PDE3A: variants seen among roughly 807,000 people sequenced by gnomAD.
PDE3A encodes phosphodiesterase 3A.
A neutral mutation model predicts 98.3 loss-of-function variants in PDE3A; 43 were observed. The ratio of observed to expected loss-of-function variants is 0.44; its 90% CI spans 0.34 to 0.56. The LOEUF (loss-of-function observed/expected upper bound fraction) is 0.56. Ranked by LOEUF, PDE3A falls within the 20% of genes least tolerant of loss-of-function variation. The probability of loss-of-function intolerance (pLI) is 0.01; values close to 1 mark genes in which losing one functional copy is unlikely to be tolerated. For missense variants in PDE3A, 1,427 were observed against 1,440.7 expected (o/e 0.99, Z 0.15); for synonymous variants, 663 against 567.9 (o/e 1.17, Z -2.38).
chr12:20,511,492 T>A (rs1946222787), intron 1 of PDE3A, among the ~76,000 whole-genome samples: 1 of 151,640 alleles, frequency 6.6e-6, no homozygotes, highest in African/African-American at 2.4e-5. Context: ...AGGAGCCAAC[T>A]GAAAGAGTTC....
chr12:20,501,683 AT>A (rs1290092067), intron 1 of PDE3A, among the ~76,000 whole-genome samples: 3 of 152,128 alleles, frequency 2.0e-5, no homozygotes, highest in African/African-American at 7.2e-5. Context: ...AAATGAAGCT[AT>A]TTTTTAGTGA....
intron 5 of PDE3A, among the ~76,000 whole-genome samples, chr12:20,622,616 A>C (rs549214318): frequency 4.9e-4 from 74 of 152,270 alleles, no homozygotes; most frequent in African/African-American, 1.8e-3. Flanking sequence ...CAGGCAATGT[A>C]GGCTAATGTA....
At chr12:20,474,925 G>A (rs1945501476) in intron 1 of PDE3A, among the ~76,000 whole-genome samples, 1 of 151,914 alleles carries the variant, frequency 6.6e-6, no homozygotes, top group East Asian at 1.9e-4. Context: ...TATCTTTGGG[G>A]GCCATTATTC....
At chr12:20,427,430 C>T (rs909482071) in intron 1 of PDE3A, among the ~76,000 whole-genome samples, 8 of 152,216 alleles carry the variant, frequency 5.3e-5, no homozygotes, top group Non-Finnish European at 1.0e-4. Context: ...ACTGACTTTA[C>T]GTTTTACAGG....
chr12:20,382,464 T>C (rs1764489843), intron 1 of PDE3A, among the ~76,000 whole-genome samples: 1 of 151,970 alleles, frequency 6.6e-6, no homozygotes, highest in Non-Finnish European at 1.5e-5. Context: ...AAAAACTTCA[T>C]TGATGATACC....
At chr12:20,658,699 C>G (rs1945095056) in intron 15 of PDE3A, among the ~76,000 whole-genome samples, 1 of 152,170 alleles carries the variant, frequency 6.6e-6, no homozygotes, top group African/African-American at 2.4e-5. Context: ...GATAGGCCTG[C>G]CTGCTGGCCT....
Position 20,369,790 on chromosome 12 carries a change from G to A in PDE3A, c.506G>A (p.Gly169Glu), listed in dbSNP as rs760787571. The change falls in exon 1 of 16, where the codon GGG becomes GAG. Residue 169 changes from glycine (G) to glutamate (E), a missense_variant. Coordinates refer to ENST00000359062, the MANE Select transcript of PDE3A (RefSeq NM_000921.5). ...GTCGCGCTGCTGGCCGCCTGCTGCG[G>A]GGGGGAAGCGCTCGTCCAGATTGGG... is the stretch of plus-strand genomic sequence containing the variant. Reference protein sequence around the residue: ...LAVALLAACCGGEALVQIGLG... With the variant: ...LAVALLAACCEGEALVQIGLG... The A allele has an allele frequency of 6.2e-6, 10 of 1,612,440 alleles. No individual in the cohort carries two copies. Among genetic ancestry groups the A allele is most frequent in the East Asian group, 2.2e-5 (1 of 44,816 alleles).
intron 1 of PDE3A, among the ~76,000 whole-genome samples, chr12:20,418,791 T>C (rs1159352700): frequency 1.3e-5 from 2 of 152,190 alleles, no homozygotes; most frequent in Non-Finnish European, 2.9e-5. Flanking sequence ...ACATTTTACA[T>C]AACTGGGATA....
At chr12:20,661,066 A>C (rs1945158298) in intron 15 of PDE3A, among the ~76,000 whole-genome samples, 1 of 152,188 alleles carries the variant, frequency 6.6e-6, no homozygotes, top group East Asian at 1.9e-4. Context: ...TGAACAATGA[A>C]GTCCAGGCTG....
intron 1 of PDE3A, among the ~76,000 whole-genome samples, chr12:20,476,865 C>T (rs986819437): frequency 1.3e-5 from 2 of 152,168 alleles, no homozygotes; most frequent in Non-Finnish European, 2.9e-5. Flanking sequence ...TTAAAGTATA[C>T]ATTGAAAATT....
rs1482862608 is a variant in PDE3A, at chr12:20,621,317, A to G, written c.1446A>G (p.Pro482=). 1 of 1,593,522 alleles carries G rather than the reference A, an allele frequency of 6.3e-7. No individual in the cohort carries two copies. The highest frequency in any genetic ancestry group is 8.6e-7 in the Non-Finnish European group (1 of 1,161,468). Residue 482 remains proline (P), a synonymous_variant, in exon 5 of 16, where the codon CCA becomes CCG. Transcript: ENST00000359062. Reference sequence around the variant, plus strand: ...TTAGTCCTGATTCTTGGAATAATCCAGTGATGATGACCCTCACCAAAAGCA... The same window carrying G: ...TTAGTCCTGATTCTTGGAATAATCCGGTGATGATGACCCTCACCAAAAGCA... ...PSSSPDSWNN[P]VMMTLTKSRS...
chr12:20,374,740 A>G (rs550186304), intron 1 of PDE3A, among the ~76,000 whole-genome samples: 44 of 152,132 alleles, frequency 2.9e-4, no homozygotes, highest in African/African-American at 1.0e-3. Context: ...ATGCCTATAT[A>G]TTTTAAGATT....
At chr12:20,463,948 A>T (rs1945297457) in intron 1 of PDE3A, among the ~76,000 whole-genome samples, 1 of 152,270 alleles carries the variant, frequency 6.6e-6, no homozygotes, top group South Asian at 2.1e-4. Context: ...TGGTATAAAG[A>T]ATGTGGACAC....
In PDE3A at chr12:20,594,718, T is replaced by C. The variant is rs570583229; in HGVS notation, c.1012-18725T>C. ...GCCTCTAGGATTCAGATATGGATAG[T>C]ATGTTGGGGGCTCGCTTGCAGAAAT... is the stretch of plus-strand genomic sequence containing the variant. On this transcript the variant is annotated intron_variant, in intron 2 of 15. Coordinates refer to ENST00000359062, the MANE Select transcript of PDE3A (RefSeq NM_000921.5). Among the ~76,000 whole-genome samples the C allele has an allele frequency of 5.3e-5, 8 of 152,220 alleles. No homozygotes were observed. In the East Asian group the frequency reaches 1.4e-3, roughly 26 times the overall value.
intron 5 of PDE3A, 136 bp downstream of exon 5, chr12:20,621,547 G>GT: frequency 1.8e-6 from 1 of 563,328 alleles, no homozygotes; most frequent in Non-Finnish European, 3.2e-6. Context: ...TAACCAATTA[G>GT]TTATTTTTTA....
At chr12:20,572,861 T>G (rs1296361742) in intron 2 of PDE3A, among the ~76,000 whole-genome samples, 1 of 152,136 alleles carries the variant, frequency 6.6e-6, no homozygotes, top group Non-Finnish European at 1.5e-5. Context: ...TTACTTAGAA[T>G]AAGTTATTTT....
In PDE3A at chr12:20,497,838, T is replaced by G. The variant is rs1477590228; in HGVS notation, c.961-58822T>G. ...AAGGTTTATGGATTACTCTATATAT[T>G]ACTCTTTGCCCTGTTCTGTTCAATT... On this transcript the variant is annotated intron_variant, in intron 1 of 15. Transcript: ENST00000359062. Among the ~76,000 whole-genome samples, 8 of 152,262 alleles carry G rather than the reference T, an allele frequency of 5.3e-5. No individual in the cohort carries two copies. In the East Asian group the frequency reaches 1.5e-3, roughly 29 times the overall value.
intron 7 of PDE3A, among the ~76,000 whole-genome samples, chr12:20,634,520 G>T (rs927738749): frequency 6.6e-6 from 1 of 152,154 alleles, no homozygotes; most frequent in Non-Finnish European, 1.5e-5. Context: ...ATTCCTGGGT[G>T]TGTCAACTCA....
chr12:20,503,420 G>A (rs188673318), intron 1 of PDE3A, among the ~76,000 whole-genome samples: 2 of 152,058 alleles, frequency 1.3e-5, no homozygotes, highest in Non-Finnish European at 2.9e-5. Flanking sequence ...AGCTACAGAG[G>A]TTGAAACTCT....
Sources: allele counts gnomAD v4.1 joint callset (sites outside exome capture counted in the v4.1 genomes callset), GRCh38; gene constraint gnomAD v4.1.1; transcripts MANE v1.5; gene names NCBI Gene and HGNC (gene_info 2026-07-23, HGNC 2026-07-21).